Variants in MYH6 observed in about 807,000 individuals in gnomAD.
The protein encoded by MYH6 is myosin heavy chain 6, also known as myosin-6.
Under a neutral mutation model 223.2 loss-of-function variants are expected in MYH6, and 126 were observed. The ratio of observed to expected loss-of-function variants is 0.56; its 90% CI spans 0.49 to 0.65. The LOEUF (loss-of-function observed/expected upper bound fraction) is 0.65, where lower values mean the gene tolerates loss of function less well. MYH6 is among the 30% of genes least tolerant of loss of function. The pLI is 0.00. For missense variants in MYH6, 2,040 were observed against 2,536.4 expected, an observed-to-expected ratio of 0.80 and a Z score of 4.20; for synonymous variants, 978 against 1,010.2, an observed-to-expected ratio of 0.97 and a Z score of 0.61.
chr14:23,388,683 G>A, intron 29 of MYH6, 176 bp downstream of exon 29: 6 of 1,099,326 alleles, frequency 5.5e-6, no homozygotes, highest in Non-Finnish European at 8.4e-6. Context: ...GTGGGTCAGG[G>A]CCAGCCAGAG....
At chr14:23,389,261 A>C in intron 28 of MYH6, 132 bp downstream of exon 28, 4 of 1,202,520 alleles carry the variant, frequency 3.3e-6, no homozygotes, top group Non-Finnish European at 4.8e-6. Flanking sequence ...GCTTAGCTGC[A>C]GGGCAGAACC....
chr14:23,390,390 C>T lies in MYH6; in HGVS notation c.3399G>A (p.Lys1133=), dbSNP rs770181014. The T allele has an allele frequency of 7.5e-6, 12 of 1,609,060 alleles. No individual in the cohort carries two copies. In the South Asian group the frequency reaches 1.2e-4, roughly 16 times the overall value. Residue 1133 remains lysine (K), a synonymous_variant, in exon 26 of 39, where the codon AAG becomes AAA. Coordinates refer to ENST00000405093, the MANE Select transcript of MYH6 (RefSeq NM_002471.4). ...ACAGGTCTGAGCGCAGCTTCTCCAC[C>T]TTAGCCCTGGCGGTGCGCTCGGCCT... is the stretch of plus-strand genomic sequence containing the variant. ...ELEAERTARA[K]VEKLRSDLSR...
chr14:23,401,635 G>A (rs1198563427), intron 12 of MYH6, among the ~76,000 whole-genome samples: 1 of 152,236 alleles, frequency 6.6e-6, no homozygotes, highest in Non-Finnish European at 1.5e-5. Context: ...GGGTGTGGCT[G>A]AGGGGCTAGA....
rs536807961 is a variant in MYH6 at position 23,386,481 on chromosome 14, G to C, written c.4793C>G (p.Ser1598Trp). The C allele has an allele frequency of 6.2e-7, 1 of 1,613,984 alleles. No homozygotes were observed. The highest frequency in any genetic ancestry group is 8.5e-7 in the Non-Finnish European group (1 of 1,180,030). Residue 1598 changes from serine (S) to tryptophan (W), a missense_variant, in exon 33 of 39, where the codon TCG (serine) becomes TGG (tryptophan). This residue lies in a region of MYH6 where 1,203 missense variants were observed against 1,400.2 expected (regional missense o/e 0.86). Coordinates refer to ENST00000405093, the MANE Select transcript of MYH6 (RefSeq NM_002471.4). ...CTCTGCATCCAGGGAGGTCTGCAGC[G>C]AGTCCACCACCCGCTGGTGGTTGCG... ...AKRNHQRVVDSLQTSLDAETR... is the reference protein window; with the variant it reads ...AKRNHQRVVDWLQTSLDAETR...
In MYH6 at chr14:23,386,542, G is replaced by C; in HGVS notation, c.4732C>G (p.Leu1578Val). ...NQIKAEIERK[L>V]AEKDEEMEQA... ...TCCATCTCCTCGTCCTTCTCTGCCA[G>C]CTTCCGCTCGATCTCTGCCTTGATC... is the stretch of plus-strand genomic sequence containing the variant. The change falls in exon 33 of 39, where the codon CTG (leucine) becomes GTG (valine). Residue 1578 changes from leucine to valine, a missense_variant. Around this residue, in one of 4 missense-constraint regions of MYH6, gnomAD observed 1,203 missense variants for 1,400.2 expected, o/e 0.86. Transcript: ENST00000405093. 6.2e-7 allele frequency: 1 copy of C among 1,614,074 alleles called. No individual in the cohort carries two copies. Among genetic ancestry groups the C allele is most frequent in the East Asian group, 2.2e-5 (1 of 44,848 alleles).
Position 23,386,483 on chromosome 14 carries a change from G to C in MYH6, c.4791C>G (p.Asp1597Glu), listed in dbSNP as rs761627508. Residue 1597 changes from aspartate (D) to glutamate (E), a missense_variant, in exon 33 of 39, where the codon GAC (aspartate) becomes GAG (glutamate). Physicochemically the swap from Asp to Glu is conservative, Grantham distance 45. Around this residue, in one of 4 missense-constraint regions of MYH6, gnomAD observed 1,203 missense variants for 1,400.2 expected, o/e 0.86. Coordinates refer to ENST00000405093, the MANE Select transcript of MYH6 (RefSeq NM_002471.4). Reference sequence around the variant, plus strand: ...CTGCATCCAGGGAGGTCTGCAGCGAGTCCACCACCCGCTGGTGGTTGCGCT... The same window carrying C: ...CTGCATCCAGGGAGGTCTGCAGCGACTCCACCACCCGCTGGTGGTTGCGCT... ...QAKRNHQRVV[D>E]SLQTSLDAET... 6.2e-7 allele frequency: 1 copy of C among 1,614,154 alleles called. No individual in the cohort carries two copies.
rs757840030 is a variant in MYH6 at position 23,389,046 on chromosome 14, C to T, written c.3988G>A (p.Ala1330Thr). 3.7e-5 allele frequency: 47 copies of T among 1,275,474 alleles called. No individual in the cohort carries two copies. In the East Asian group the frequency reaches 6.8e-4, roughly 18 times the overall value. 79.0% of individuals were successfully genotyped at this position (1,275,474 alleles called of 1,614,324 possible). The part of the protein sequence containing the change: ...QLEEEGKAKN[A>T]LAHALQSARH... ...GCCGACTGCAGTGCATGGGCCAGGG[C>T]GTTCTTCGCCTGGGGAGGGGGGGGG... Residue 1330 changes from alanine (A) to threonine (T), a missense_variant, in exon 29 of 39, where the codon GCC (alanine) becomes ACC (threonine). Physicochemically the swap from Ala to Thr is moderately conservative, Grantham distance 58. Around this residue, in one of 4 missense-constraint regions of MYH6, gnomAD observed 1,203 missense variants for 1,400.2 expected, o/e 0.86. Coordinates refer to ENST00000405093, the MANE Select transcript of MYH6 (RefSeq NM_002471.4).
rs759887479 is a variant in MYH6, at chr14:23,388,323, C to T, written c.4191G>A (p.Gln1397=). 4 of 1,613,194 alleles carry T rather than the reference C, an allele frequency of 2.5e-6. No individual in the cohort carries two copies. Among genetic ancestry groups the T allele is most frequent in the Non-Finnish European group, 3.4e-6 (4 of 1,180,032 alleles). ...CGGCCTCCTCGGCATCCTGCAGCCG[C>T]TGGGCCAGCTTCTTTCTGCCCAGGT... ...ELEEAKKKLA[Q]RLQDAEEAVE... The change falls in exon 30 of 39, where the codon CAG becomes CAA. Residue 1397 remains glutamine (Q), a synonymous_variant. Transcript: ENST00000405093.
intron 30 of MYH6, 89 bp downstream of exon 30, chr14:23,388,066 A>C: frequency 6.2e-7 from 1 of 1,606,972 alleles, no homozygotes; most frequent in Non-Finnish European, 8.5e-7. Context: ...CTCCTCCTCC[A>C]CCTCCAAGGA....
chr14:23,387,463 A>C, intron 32 of MYH6, 66 bp downstream of exon 32: 1 of 1,605,808 alleles, frequency 6.2e-7, no homozygotes, highest in Non-Finnish European at 8.5e-7. Flanking sequence ...GGTCACCCCC[A>C]GGTGAGGGAG....
chr14:23,388,493 G>T, intron 29 of MYH6, 155 bp from the exon 30 acceptor site: 1 of 1,248,838 alleles, frequency 8.0e-7, no homozygotes, highest in South Asian at 1.2e-5. Flanking sequence ...AACAGAGTCC[G>T]CCAGCACGGG....
Position 23,386,072 on chromosome 14 carries a change from G to T in MYH6, c.5019C>A (p.Ile1673=), listed in dbSNP as rs397516773. 1 of 1,614,214 alleles carries T rather than the reference G, an allele frequency of 6.2e-7. No individual in the cohort carries two copies. The highest frequency in any genetic ancestry group is 1.7e-5 in the Admixed American group (1 of 60,034). The change falls in exon 34 of 39, where the codon ATC becomes ATA. Residue 1673 remains isoleucine, a synonymous_variant. Coordinates refer to ENST00000405093, the MANE Select transcript of MYH6 (RefSeq NM_002471.4). ...VRANDDLKEN[I]AIVERRNNLL... ...GGTTGTTGCGCCGCTCCACGATGGCGATGTTCTCCTTCAGGTCGTCGTTGG... is the reference window on the plus strand; with the variant it reads ...GGTTGTTGCGCCGCTCCACGATGGCTATGTTCTCCTTCAGGTCGTCGTTGG...
chr14:23,389,843 G>C, intron 26 of MYH6, 124 bp from the exon 27 acceptor site: 1 of 1,543,580 alleles, frequency 6.5e-7, no homozygotes, highest in Non-Finnish European at 8.9e-7. Flanking sequence ...GTGGGAGGGC[G>C]CAGTCTGAAG....
At chr14:23,393,277 C>G (rs1204546360) in intron 23 of MYH6, 65 bp downstream of exon 23, 10 of 1,601,960 alleles carry the variant, frequency 6.2e-6, no homozygotes, top group Non-Finnish European at 8.6e-6. Flanking sequence ...TCAGGACTTT[C>G]TGGGCCATTG....
At chr14:23,397,970 C>CTTT (rs1891474132) in intron 15 of MYH6, among the ~76,000 whole-genome samples, 5 of 132,276 alleles carry the variant, frequency 3.8e-5, no homozygotes, top group East Asian at 2.2e-4. Context: ...TCTTCTTCTT[C>CTTT]TTCTTCTTCT....
At chr14:23,386,770 C>T (rs1891040664) in intron 32 of MYH6, 147 bp from the exon 33 acceptor site, 3 of 999,680 alleles carry the variant, frequency 3.0e-6, no homozygotes, top group Non-Finnish European at 4.3e-6. Flanking sequence ...CACCCCATGC[C>T]CACCACGGTG....
At chr14:23,389,905 A>G (rs1286330255) in intron 26 of MYH6, 152 bp downstream of exon 26, 2 of 1,529,448 alleles carry the variant, frequency 1.3e-6, no homozygotes, top group Non-Finnish European at 1.8e-6. Flanking sequence ...GAGGGTGAGG[A>G]GAGCCAGAGA....
chr14:23,402,328 C>G, intron 12 of MYH6, 136 bp downstream of exon 12: 2 of 1,373,698 alleles, frequency 1.5e-6, no homozygotes, highest in Non-Finnish European at 2.0e-6. Context: ...GCCCACGTCT[C>G]CCACGTCCCT....
In MYH6 at chr14:23,405,405, T is replaced by TG. The variant is rs1891753653; in HGVS notation, c.346-27dup. ...CTGGAGCAGGAGACAAGGCTGGGCA[T>TG]GAGGTTGGTGGGGAGAGCCTGGGAC... On this transcript the variant is annotated intron_variant, in intron 4 of 38. Coordinates refer to ENST00000405093, the MANE Select transcript of MYH6 (RefSeq NM_002471.4). This position sits in a 1 kb window ranked among gnomAD's most constrained non-coding sequence, Gnocchi z 4.7. The TG allele has an allele frequency of 6.2e-7, 1 of 1,613,786 alleles. No homozygotes were observed.
Sources: gnomAD v4.1 joint callset for allele counts (sites outside exome capture counted in the v4.1 genomes callset) on GRCh38, gnomAD v4.1.1 for gene constraint, gnomAD v4.1.1 regional missense constraint, Gnocchi (gnomAD v3.1) non-coding constraint, MANE v1.5 for transcripts, NCBI Gene and HGNC (gene_info 2026-07-23, HGNC 2026-07-21) for gene names.